SEMA4B: variants seen among roughly 807,000 people sequenced by gnomAD.
SEMA4B encodes the protein semaphorin-4B.
Under a neutral mutation model 88.1 loss-of-function variants are expected in SEMA4B, and 55 were observed. That is an observed-to-expected ratio of 0.62 (90% confidence interval 0.50 to 0.78). SEMA4B has a LOEUF of 0.78. SEMA4B is among the 30% of genes least tolerant of loss of function. The pLI is 0.00. For synonymous variants in SEMA4B, 525 were observed against 473.6 expected, an observed-to-expected ratio of 1.11 and a Z score of -1.41; for missense variants, 1,062 against 1,111.9, an observed-to-expected ratio of 0.96 and a Z score of 0.64.
intron 1 of SEMA4B, among the ~76,000 whole-genome samples, chr15:90,192,300 C>T (rs369395418): frequency 3.9e-5 from 6 of 152,346 alleles, no homozygotes; most frequent in African/African-American, 1.4e-4. Context: ...GCTCCAGAGC[C>T]AGGTTCCCCT....
Position 90,229,591 on chromosome 15 carries a change from TTTTTATACA to T in SEMA4B, c.*953_*961del. Reference sequence around the variant, plus strand: ...GCACAGGGGCCCTGAATTTATGTGGTTTTTATACATTTTTTAATAAGATGCACTTTATGT... The same window carrying T: ...GCACAGGGGCCCTGAATTTATGTGGTTTTTTTAATAAGATGCACTTTATGT... On this transcript the variant is annotated 3_prime_UTR_variant, in exon 14 of 14. Coordinates refer to ENST00000411539, the MANE Select transcript of SEMA4B (RefSeq NM_198925.4). 2.9e-6 allele frequency: 1 copy of T among 339,056 alleles called. No homozygotes were observed. Among genetic ancestry groups the T allele is most frequent in the Non-Finnish European group, 5.8e-6 (1 of 171,634 alleles). The allele number at this position is 339,056 out of a possible 1,614,324, so 21.0% of individuals were successfully genotyped here. A position where few individuals can be genotyped will look rare whatever the true frequency, so the allele number is the denominator to read the frequency against.
upstream of SEMA4B, among the ~76,000 whole-genome samples, chr15:90,196,511 CAG>C (rs1764509584): frequency 1.3e-5 from 2 of 151,552 alleles, no homozygotes; most frequent in African/African-American, 2.4e-5. Context: ...TTTTTTGAGA[CAG>C]AGTCTCGCTG....
At position 90,225,347 on chromosome 15, in the gene SEMA4B, A is replaced by T. The variant is rs1283348347; in HGVS notation, c.1471A>T (p.Ile491Phe). Residue 491 changes from isoleucine to phenylalanine, a missense_variant, in exon 11 of 14, where the codon ATC becomes TTC. Ile to Phe is a conservative substitution (Grantham distance 21). Transcript: ENST00000411539. ...PRVHIIEELQIFSSGQPVQNL... is the reference protein window; with the variant it reads ...PRVHIIEELQFFSSGQPVQNL... ...GGTGCACATCATTGAGGAGCTGCAG[A>T]TCTTCTCATCGGGACAGCCCGTGCA... 1.3e-6 allele frequency: 2 copies of T among 1,556,978 alleles called. No individual in the cohort carries two copies. The highest frequency in any genetic ancestry group is 3.9e-5 in the Admixed American group (2 of 51,590).
At chr15:90,185,003 G>A in exon 1 of SEMA4B, 4 of 985,808 alleles carry the variant, frequency 4.1e-6, no homozygotes, top group Non-Finnish European at 4.8e-6. Context: ...GCCTGGCAAG[G>A]GGGACGAGTC....
chr15:90,226,616 C>T (rs1232679857), intron 12 of SEMA4B, among the ~76,000 whole-genome samples: 4 of 152,230 alleles, frequency 2.6e-5, no homozygotes, highest in East Asian at 1.9e-4. Context: ...GCCGGGATTA[C>T]AGCCATGAGC....
At chr15:90,223,481 T>C in intron 7 of SEMA4B, 78 bp from the exon 8 acceptor site, 6 of 1,356,098 alleles carry the variant, frequency 4.4e-6, no homozygotes, top group Admixed American at 2.8e-5. Flanking sequence ...GGTGGGTCCA[T>C]TGAGGCAGTC....
chr15:90,228,322 C>G lies in SEMA4B; in HGVS notation c.2193C>G (p.Leu731=). The G allele has an allele frequency of 6.3e-7, 1 of 1,599,178 alleles. No individual in the cohort carries two copies. The highest frequency in any genetic ancestry group is 8.5e-7 in the Non-Finnish European group (1 of 1,172,162). ...CGCTCTTTGTGCTGGCCGTGCTGCT[C>G]CCAGTTTTATTCTTGCTCTACCGGC... ...MCTLFVLAVL[L]PVLFLLYRHR... The change falls in exon 14 of 14, where the codon CTC becomes CTG. Residue 731 remains leucine, a synonymous_variant. Coordinates refer to ENST00000411539, the MANE Select transcript of SEMA4B (RefSeq NM_198925.4).
chr15:90,222,198 C>T (rs1961889588), intron 7 of SEMA4B, among the ~76,000 whole-genome samples: 1 of 150,510 alleles, frequency 6.6e-6, no homozygotes, highest in Admixed American at 6.6e-5. Flanking sequence ...CCTCGGCTTC[C>T]CAAAGTGCTG....
At chr15:90,221,172 C>A in intron 5 of SEMA4B, 79 bp downstream of exon 5, 2 of 1,174,344 alleles carry the variant, frequency 1.7e-6, no homozygotes, top group Non-Finnish European at 1.2e-6. Flanking sequence ...TTTGGACAGG[C>A]TGAGTCCATG....
At position 90,223,508 on chromosome 15, in the gene SEMA4B, CG is replaced by C. The variant is rs1961970416; in HGVS notation, c.862-50del. On this transcript the variant is annotated intron_variant, in intron 7 of 13. Coordinates refer to ENST00000411539, the MANE Select transcript of SEMA4B (RefSeq NM_198925.4). The stretch of plus-strand genomic sequence containing the variant: ...GAGGCAGTCCTGTGCCGTGCATCCC[CG>C]TCATGGCTCAGCATGTGCCTAAGCC... The C allele has an allele frequency of 2.0e-6, 3 of 1,489,830 alleles. No homozygotes were observed. In the Admixed American group the frequency reaches 6.7e-5, roughly 33 times the overall value. The allele number at this position is 1,489,830 out of a possible 1,614,324, so 92.3% of individuals were successfully genotyped here.
intron 1 of SEMA4B, among the ~76,000 whole-genome samples, chr15:90,213,095 A>G (rs1961353921): frequency 6.6e-6 from 1 of 152,270 alleles, no homozygotes; most frequent in Non-Finnish European, 1.5e-5. Flanking sequence ...AAGCTGTCTC[A>G]GTAAATGTGG....
At chr15:90,209,201 C>A (rs1320385626) in intron 1 of SEMA4B, among the ~76,000 whole-genome samples, 1 of 152,100 alleles carries the variant, frequency 6.6e-6, no homozygotes, top group Non-Finnish European at 1.5e-5. Context: ...CCAGTTGATA[C>A]AAATATGAAT....
At chr15:90,198,230 ATTG>A (rs1386295180), upstream of SEMA4B, among the ~76,000 whole-genome samples, 1 of 152,032 alleles carries the variant, frequency 6.6e-6, no homozygotes, top group Admixed American at 6.6e-5. Flanking sequence ...AAAACTCTTT[ATTG>A]GACCAAAGTT....
chr15:90,192,298 G>C lies in SEMA4B; in HGVS notation c.-122+7217G>C, dbSNP rs192650147. 2.3e-3 allele frequency among the ~76,000 whole-genome samples: 345 copies of C among 152,362 alleles called. 3 individuals are homozygous for C. Among genetic ancestry groups the C allele is most frequent in the African/African-American group, 8.2e-3 (339 of 41,590 alleles). On this transcript the variant is annotated intron_variant, in intron 1 of 14. Coordinates refer to the SEMA4B transcript ENST00000332496. ...AGAGTAGAACTGTGGGAGCTCCAGAGCCAGGTTCCCCTGGGTGGGAATTAG... is the reference window on the plus strand; with the variant it reads ...AGAGTAGAACTGTGGGAGCTCCAGACCCAGGTTCCCCTGGGTGGGAATTAG...
intron 1 of SEMA4B, among the ~76,000 whole-genome samples, chr15:90,195,208 C>G (rs1960463670): frequency 6.6e-6 from 1 of 152,042 alleles, no homozygotes; most frequent in East Asian, 1.9e-4. Context: ...ATCCTCCCAC[C>G]TCAGCCTTTC....
rs1413644827 is a variant in SEMA4B, at chr15:90,223,629, C to T, written c.932C>T (p.Ser311Leu). ...TSFLKAQLLC[S>L]RPDDGFPFNV... ...TTCCTCAAGGCCCAGCTGCTGTGCT[C>T]ACGGCCCGACGATGGCTTCCCCTTC... The change falls in exon 8 of 14, where the codon TCA (serine) becomes TTA (leucine). Residue 311 changes from serine to leucine, a missense_variant. Transcript: ENST00000411539. 1.9e-6 allele frequency: 3 copies of T among 1,613,518 alleles called. No homozygotes were observed. The highest frequency in any genetic ancestry group is 1.1e-5 in the South Asian group (1 of 91,034).
intron 1 of SEMA4B, among the ~76,000 whole-genome samples, chr15:90,206,360 T>C (rs1255308947): frequency 6.6e-6 from 1 of 152,224 alleles, no homozygotes; most frequent in African/African-American, 2.4e-5. Flanking sequence ...TCCCTTGGAC[T>C]GCATTCTCCA....
chr15:90,225,965 C>G (rs868539371), intron 12 of SEMA4B, 138 bp downstream of exon 12: 4 of 623,128 alleles, frequency 6.4e-6, no homozygotes, highest in African/African-American at 5.7e-5. Context: ...AATTAGCTCT[C>G]CTGCTTCCTC....
At chr15:90,223,228 A>C (rs1402870976) in intron 7 of SEMA4B, among the ~76,000 whole-genome samples, 1 of 152,150 alleles carries the variant, frequency 6.6e-6, no homozygotes, top group Non-Finnish European at 1.5e-5. Context: ...TATAGGCATT[A>C]ATAATATAAG....
Sources: allele counts gnomAD v4.1 joint callset (sites outside exome capture counted in the v4.1 genomes callset), GRCh38; gene constraint gnomAD v4.1.1; transcripts MANE v1.5; gene names NCBI Gene and HGNC (gene_info 2026-07-23, HGNC 2026-07-21).